TCF12: variants seen among roughly 807,000 people sequenced by gnomAD.
The protein encoded by TCF12 is transcription factor 12, also known as DNA-binding protein HTF4.
Under a neutral mutation model 86.0 loss-of-function variants are expected in TCF12, and 45 were observed. The ratio of observed to expected loss-of-function variants is 0.52; its 90% CI spans 0.41 to 0.67. The LOEUF (loss-of-function observed/expected upper bound fraction) is 0.67. TCF12 is among the 30% of genes least tolerant of loss of function. The probability of loss-of-function intolerance (pLI) is 0.00; values close to 1 mark genes in which losing one functional copy is unlikely to be tolerated. For synonymous variants in TCF12, 330 were observed against 299.6 expected, an observed-to-expected ratio of 1.10 and a Z score of -1.05; for missense variants, 881 against 859.9, an observed-to-expected ratio of 1.02 and a Z score of -0.31.
At chr15:57,083,151 CAA>C (rs1330427623) in intron 4 of TCF12, among the ~76,000 whole-genome samples, 1 of 151,962 alleles carries the variant, frequency 6.6e-6, no homozygotes, top group Admixed American at 6.6e-5. Context: ...TGATAAAAAA[CAA>C]ATTTAGGATA....
chr15:57,159,115 A>G (rs890597097), intron 5 of TCF12, among the ~76,000 whole-genome samples: 2 of 152,362 alleles, frequency 1.3e-5, no homozygotes, highest in Non-Finnish European at 1.5e-5. Flanking sequence ...GAATTTCTGA[A>G]TAGTTTATTA....
At chr15:57,255,737 C>T (rs1364762912) in intron 16 of TCF12, among the ~76,000 whole-genome samples, 2 of 152,084 alleles carry the variant, frequency 1.3e-5, no homozygotes, top group Non-Finnish European at 2.9e-5. Context: ...CCACCTCGGC[C>T]TCCCAAAGTG....
intron 8 of TCF12, among the ~76,000 whole-genome samples, chr15:57,208,900 G>C (rs1297602965): frequency 4.6e-5 from 7 of 151,726 alleles, no homozygotes; most frequent in African/African-American, 1.7e-4. Context: ...ATTTTTTGTA[G>C]AAAAGAGGTT....
chr15:57,016,353 G>C (rs185032139), intron 3 of TCF12, among the ~76,000 whole-genome samples: 1 of 152,178 alleles, frequency 6.6e-6, no homozygotes, highest in Admixed American at 6.5e-5. Context: ...TTTAGTTTAA[G>C]TGGAAAGGTC....
intron 5 of TCF12, among the ~76,000 whole-genome samples, chr15:57,141,558 G>A (rs1398698349): frequency 6.6e-6 from 1 of 151,914 alleles, no homozygotes; most frequent in Non-Finnish European, 1.5e-5. Context: ...CATGTTAGTC[G>A]GGCTGGTCTC....
chr15:57,215,090 T>G (rs1222760473), intron 8 of TCF12, among the ~76,000 whole-genome samples: 1 of 152,138 alleles, frequency 6.6e-6, no homozygotes, highest in Non-Finnish European at 1.5e-5. Flanking sequence ...TTCTAAAATG[T>G]GAGGATATTA....
intron 3 of TCF12, among the ~76,000 whole-genome samples, chr15:57,048,765 G>A (rs1192535760): frequency 6.6e-6 from 1 of 152,114 alleles, no homozygotes; most frequent in Non-Finnish European, 1.5e-5. Context: ...CCACAAGAAT[G>A]TGAGTAAAAC....
At chr15:57,055,247 C>G (rs760804145) in intron 3 of TCF12, among the ~76,000 whole-genome samples, 6 of 151,996 alleles carry the variant, frequency 3.9e-5, no homozygotes, top group Non-Finnish European at 8.8e-5. Flanking sequence ...ACTGAAAACA[C>G]AAAAATTAGC....
At chr15:57,084,226 TTTAAA>T (rs1448077186) in intron 4 of TCF12, among the ~76,000 whole-genome samples, 2 of 152,346 alleles carry the variant, frequency 1.3e-5, no homozygotes, top group African/African-American at 4.8e-5. Flanking sequence ...AGATAAAAGC[TTTAAA>T]TTATGTAAAA....
In TCF12 at chr15:57,273,277, C is replaced by T. The variant is rs369740523; in HGVS notation, c.1978+15C>T. 12 of 1,611,590 alleles carry T rather than the reference C, an allele frequency of 7.4e-6. No individual in the cohort carries two copies. In the African/African-American group the frequency reaches 1.2e-4, roughly 16 times the overall value. On this transcript the variant is annotated intron_variant, in intron 19 of 20. Coordinates refer to ENST00000333725, the MANE Select transcript of TCF12 (RefSeq NM_207037.2). ...GCAAGTCAGAGGTAAGTAGGTTCAG[C>T]CGAGATGTATAACTGTTCTGCTTCA...
intron 3 of TCF12, among the ~76,000 whole-genome samples, chr15:56,995,098 C>T (rs890276551): frequency 2.6e-5 from 4 of 151,896 alleles, no homozygotes; most frequent in African/African-American, 9.7e-5. Context: ...GTTATAATCC[C>T]TAGAGCCACT....
intron 3 of TCF12, among the ~76,000 whole-genome samples, chr15:57,062,312 G>A (rs1396910910): frequency 6.6e-6 from 1 of 151,784 alleles, no homozygotes; most frequent in Non-Finnish European, 1.5e-5. Flanking sequence ...TCTTAAATTT[G>A]GAACTTTAAT....
intron 3 of TCF12, among the ~76,000 whole-genome samples, chr15:56,959,699 T>C (rs1249093932): frequency 6.6e-6 from 1 of 152,242 alleles, no homozygotes; most frequent in Non-Finnish European, 1.5e-5. Context: ...CTCGGCTTTT[T>C]AATCTACTTA....
chr15:56,939,987 T>TTTTTG (rs2060657215), intron 3 of TCF12, among the ~76,000 whole-genome samples: 1 of 137,414 alleles, frequency 7.3e-6, no homozygotes, highest in East Asian at 2.1e-4. Context: ...TTTTTTTTTT[T>TTTTTG]TTTTGACAGG....
intron 5 of TCF12, among the ~76,000 whole-genome samples, chr15:57,126,253 G>A (rs1332497049): frequency 6.6e-6 from 1 of 151,980 alleles, no homozygotes; most frequent in Non-Finnish European, 1.5e-5. Context: ...AAAAAACAAA[G>A]CATCTGATTT....
At chr15:57,263,580 G>T (rs1223797712) in intron 18 of TCF12, among the ~76,000 whole-genome samples, 4 of 152,174 alleles carry the variant, frequency 2.6e-5, no homozygotes, top group African/African-American at 9.6e-5. Flanking sequence ...ATAGCTAAAA[G>T]AAGTTAAATC....
intron 4 of TCF12, among the ~76,000 whole-genome samples, chr15:57,077,925 T>C (rs1384170739): frequency 6.6e-6 from 1 of 152,162 alleles, no homozygotes; most frequent in African/African-American, 2.4e-5. Flanking sequence ...GAAACTTAAA[T>C]AACACATTTA....
intron 5 of TCF12, among the ~76,000 whole-genome samples, chr15:57,111,839 A>G (rs1357707483): frequency 6.6e-6 from 1 of 152,078 alleles, no homozygotes. Flanking sequence ...GCAGTCCACT[A>G]GCCTCAGCCT....
intron 3 of TCF12, among the ~76,000 whole-genome samples, chr15:56,988,494 G>A (rs1463834843): frequency 2.0e-5 from 3 of 152,082 alleles, no homozygotes; most frequent in Admixed American, 6.5e-5. Flanking sequence ...TCATTATGTG[G>A]TACATGACTG....
Sources: allele counts gnomAD v4.1 joint callset (sites outside exome capture counted in the v4.1 genomes callset), GRCh38; gene constraint gnomAD v4.1.1; transcripts MANE v1.5; gene names NCBI Gene and HGNC (gene_info 2026-07-23, HGNC 2026-07-21).